Variants in DRC11L observed in about 807,000 individuals in gnomAD.
DRC11L encodes the protein dynein regulatory complex subunit 11 like, also known as dynein regulatory complex subunit like-11.
the DRC11L span, chr7:151,200,358 AC>A: frequency 2.5e-6 from 1 of 399,080 alleles, no homozygotes. Context: ...TCCAGGACCC[AC>A]CATGGTGGGC....
At chr7:151,200,504 C>T in the DRC11L span, 4 of 399,184 alleles carry the variant, frequency 1.0e-5, no homozygotes, top group South Asian at 5.1e-4. Flanking sequence ...CACACAGTCT[C>T]CACCCTGCAG....
At chr7:151,202,521 T>G in the DRC11L span, among the ~76,000 whole-genome samples, 1 of 152,220 alleles carries the variant, frequency 6.6e-6, no homozygotes, top group Non-Finnish European at 1.5e-5. Flanking sequence ...GTAAGATACA[T>G]GCTTGCTGAC....
the DRC11L span, chr7:151,191,575 G>A: frequency 2.5e-6 from 1 of 398,778 alleles, no homozygotes; most frequent in South Asian, 1.3e-4. Context: ...TCCGAGTTGT[G>A]CTTCAGGGGG....
the DRC11L span, chr7:151,193,602 A>T: frequency 2.5e-6 from 1 of 398,556 alleles, no homozygotes; most frequent in Non-Finnish European, 4.4e-6. Context: ...GAGGAGGTGC[A>T]GATCACAGGG....
the DRC11L span, chr7:151,195,323 T>G: frequency 2.3e-5 from 9 of 398,384 alleles, no homozygotes; most frequent in Non-Finnish European, 2.7e-5. Flanking sequence ...AAAGCGACTT[T>G]CCCAAGGTCT....
the DRC11L span, chr7:151,197,775 G>A: frequency 2.5e-6 from 1 of 398,004 alleles, no homozygotes; most frequent in South Asian, 1.3e-4. Context: ...GTAGCCTCAG[G>A]CTCCACCTGC....
chr7:151,197,926 T>C, the DRC11L span: 1 of 398,572 alleles, frequency 2.5e-6, no homozygotes, highest in Non-Finnish European at 4.4e-6. Context: ...CAAAAGATGA[T>C]TGGACAGAAA....
chr7:151,193,556 A>G, the DRC11L span: 64 of 399,296 alleles, frequency 1.6e-4, no homozygotes, highest in African/African-American at 1.2e-3. Context: ...GCTGGAGATG[A>G]CTGCGTAAGG....
the DRC11L span, chr7:151,193,158 G>A: frequency 5.0e-6 from 2 of 397,942 alleles, no homozygotes; most frequent in Non-Finnish European, 8.8e-6. Flanking sequence ...TAGCCCGGTT[G>A]GTAGGGAGAC....
the DRC11L span, among the ~76,000 whole-genome samples, chr7:151,194,874 A>C: frequency 6.6e-6 from 1 of 152,244 alleles, no homozygotes; most frequent in African/African-American, 2.4e-5. Context: ...GACACTCATT[A>C]GTCTGCCCCC....
the DRC11L span, chr7:151,203,222 C>T: frequency 2.5e-6 from 1 of 398,192 alleles, no homozygotes; most frequent in East Asian, 3.6e-5. Flanking sequence ...TCTGGGAGGC[C>T]AAGTCTTGTC....
chr7:151,196,622 C>T, the DRC11L span: 6 of 399,268 alleles, frequency 1.5e-5, no homozygotes, highest in African/African-American at 4.1e-5. Context: ...TGCATTCATG[C>T]GTGCACAAGC....
chr7:151,204,415 G>C, the DRC11L span: 1 of 397,794 alleles, frequency 2.5e-6, no homozygotes, highest in Non-Finnish European at 4.4e-6. Context: ...CCAGGGCGTG[G>C]CTCTGTGTCC....
chr7:151,193,881 T>A, the DRC11L span, among the ~76,000 whole-genome samples: 1 of 145,496 alleles, frequency 6.9e-6, no homozygotes, highest in East Asian at 2.0e-4. Flanking sequence ...CACTCCAGCC[T>A]GGGCGACAGA....
the DRC11L span, chr7:151,194,709 C>T: frequency 2.5e-6 from 1 of 396,196 alleles, no homozygotes; most frequent in Non-Finnish European, 4.4e-6. Flanking sequence ...GACAGGGTAT[C>T]AGTGGTTCTC....
the DRC11L span, chr7:151,197,221 TC>T: frequency 2.5e-6 from 1 of 399,516 alleles, no homozygotes; most frequent in Non-Finnish European, 4.4e-6. Flanking sequence ...CTTGGCCTTT[TC>T]TTCCTTTCCT....
chr7:151,201,266 C>T, the DRC11L span, among the ~76,000 whole-genome samples: 2 of 152,236 alleles, frequency 1.3e-5, no homozygotes, highest in Non-Finnish European at 2.9e-5. This position sits in a 1 kb window ranked among gnomAD's most constrained non-coding sequence, Gnocchi z 4.1. Context: ...ACAGACCAGG[C>T]CTGCCATGAC....
At chr7:151,204,382 T>G in the DRC11L span, 10 of 223,874 alleles carry the variant, frequency 4.5e-5, no homozygotes, top group Non-Finnish European at 6.9e-5. Context: ...GCCCCATCCC[T>G]ACCCCACCCG....
chr7:151,199,351 C>A, the DRC11L span, among the ~76,000 whole-genome samples: 1 of 152,056 alleles, frequency 6.6e-6, no homozygotes, highest in Non-Finnish European at 1.5e-5. The surrounding 1 kb of genome is among the most constrained non-coding windows in gnomAD (Gnocchi z 5.2). Flanking sequence ...GCCGCTCTCG[C>A]AGCCACTTTC....
Sources: allele counts gnomAD v4.1 joint callset (sites outside exome capture counted in the v4.1 genomes callset), GRCh38; gene constraint gnomAD v4.1.1; non-coding constraint Gnocchi (gnomAD v3.1); transcripts MANE v1.5; gene names NCBI Gene and HGNC (gene_info 2026-07-23, HGNC 2026-07-21).